The following JAKMIP2 variants were observed in gnomAD, a reference collection of about 807,000 sequenced individuals.
JAKMIP2 encodes the protein janus kinase and microtubule interacting protein 2, also known as janus kinase and microtubule-interacting protein 2.
A neutral mutation model predicts 115.0 loss-of-function variants in JAKMIP2; 25 were observed. That is an observed-to-expected ratio of 0.22 (90% CI 0.16 to 0.30). The LOEUF (loss-of-function observed/expected upper bound fraction) is 0.30. Among genes scored for constraint, JAKMIP2 ranks in the 10% least tolerant of loss-of-function variants. The pLI is 1.00. For synonymous variants in JAKMIP2, 334 were observed against 343.6 expected (o/e 0.97, Z 0.31); for missense variants, 642 against 957.6 (o/e 0.67, Z 4.35).
At chr5:147,689,092 G>A (rs538605673) in intron 1 of JAKMIP2, among the ~76,000 whole-genome samples, 1 of 150,534 alleles carries the variant, frequency 6.6e-6, no homozygotes, top group Non-Finnish European at 1.5e-5. Flanking sequence ...CTGATGCCTG[G>A]GGGGGAAAGC....
intron 1 of JAKMIP2, among the ~76,000 whole-genome samples, chr5:147,702,098 T>C (rs551292165): frequency 6.6e-6 from 1 of 152,296 alleles, no homozygotes; most frequent in East Asian, 1.9e-4. Flanking sequence ...CCAGAGCAAC[T>C]GCTTACAGCA....
intron 12 of JAKMIP2, among the ~76,000 whole-genome samples, chr5:147,634,858 G>A (rs1395297233): frequency 6.6e-6 from 1 of 152,178 alleles, no homozygotes; most frequent in Non-Finnish European, 1.5e-5. Flanking sequence ...CAGCCAGGAT[G>A]TTGTGGTTAA....
chr5:147,601,549 G>A (rs1423353600), intron 21 of JAKMIP2, among the ~76,000 whole-genome samples, 192 bp downstream of exon 21: 1 of 152,206 alleles, frequency 6.6e-6, no homozygotes, highest in South Asian at 2.1e-4. Flanking sequence ...GCCAGTGAAT[G>A]ATCTGATTGT....
intron 1 of JAKMIP2, among the ~76,000 whole-genome samples, chr5:147,688,084 T>C (rs1402887972): frequency 6.6e-6 from 1 of 152,200 alleles, no homozygotes; most frequent in African/African-American, 2.4e-5. Flanking sequence ...CAACACTCTT[T>C]TTCATATCTA....
rs148722029 is a variant in JAKMIP2 at position 147,661,092 on chromosome 5, C to T, written c.483G>A (p.Thr161=). Residue 161 remains threonine, a synonymous_variant, in exon 3 of 22, where the codon ACG becomes ACA. Transcript: ENST00000616793. ...KLLQEIADLK[T]AKKQVDEALS... ...GAGCCTCGTCCACCTGCTTCTTGGC[C>T]GTTTTCAGGTCCGCAATTTCCTGTA... The T allele has an allele frequency of 1.2e-6, 2 of 1,613,878 alleles. No individual in the cohort carries two copies. The highest frequency in any genetic ancestry group is 1.7e-5 in the Admixed American group (1 of 59,978).
chr5:147,594,619 G>A (rs1755267664), intron 21 of JAKMIP2: 7 of 295,584 alleles, frequency 2.4e-5, no homozygotes, highest in South Asian at 1.9e-4. Context: ...CAGAGCCACT[G>A]TGCCCAGCTA....
At chr5:147,602,520 A>C (rs757487753) in intron 20 of JAKMIP2, among the ~76,000 whole-genome samples, 1 of 152,190 alleles carries the variant, frequency 6.6e-6, no homozygotes, top group Non-Finnish European at 1.5e-5. Context: ...TCCACCTCCA[A>C]GATAGACTTC....
chr5:147,721,887 A>C (rs1413651830), intron 1 of JAKMIP2, among the ~76,000 whole-genome samples: 2 of 151,992 alleles, frequency 1.3e-5, no homozygotes, highest in African/African-American at 2.4e-5. Context: ...CCTTAAAATT[A>C]TATTTCTTTC....
chr5:147,775,385 G>A (rs1486614251), intron 1 of JAKMIP2, among the ~76,000 whole-genome samples: 2 of 152,182 alleles, frequency 1.3e-5, no homozygotes, highest in African/African-American at 4.8e-5. Flanking sequence ...CAATAGCTGT[G>A]AGTGTGTATC....
intron 1 of JAKMIP2, among the ~76,000 whole-genome samples, chr5:147,732,341 C>A (rs941057879): frequency 2.6e-5 from 4 of 152,158 alleles, no homozygotes; most frequent in African/African-American, 7.2e-5. Context: ...TTAGTGGCTT[C>A]ATTTACAATA....
intron 1 of JAKMIP2, among the ~76,000 whole-genome samples, chr5:147,743,650 T>C (rs1165453575): frequency 6.6e-6 from 1 of 152,196 alleles, no homozygotes; most frequent in African/African-American, 2.4e-5. Flanking sequence ...TGCTCCACAG[T>C]AGTGAATATC....
At chr5:147,724,131 C>A (rs991155252) in intron 1 of JAKMIP2, among the ~76,000 whole-genome samples, 1 of 152,138 alleles carries the variant, frequency 6.6e-6, no homozygotes, top group Non-Finnish European at 1.5e-5. Context: ...ATTAATAAAT[C>A]TACATTTTTG....
chr5:147,683,243 A>G (rs969123104), intron 1 of JAKMIP2, among the ~76,000 whole-genome samples: 21 of 152,184 alleles, frequency 1.4e-4, no homozygotes, highest in African/African-American at 4.8e-4. Flanking sequence ...TAATCCCAGC[A>G]CTTTGGGAGG....
intron 1 of JAKMIP2, among the ~76,000 whole-genome samples, chr5:147,749,288 T>C (rs985380626): frequency 4.6e-5 from 7 of 152,128 alleles, no homozygotes; most frequent in African/African-American, 1.4e-4. Context: ...GTGCCAGGCA[T>C]AGTACTCAAC....
chr5:147,677,951 G>C (rs1760058842), intron 1 of JAKMIP2, among the ~76,000 whole-genome samples: 1 of 151,984 alleles, frequency 6.6e-6, no homozygotes. Context: ...CTGAAATTTT[G>C]TATCTTTTGA....
intron 1 of JAKMIP2, among the ~76,000 whole-genome samples, chr5:147,718,315 G>T (rs1353251121): frequency 1.3e-5 from 2 of 149,138 alleles, no homozygotes; most frequent in Non-Finnish European, 3.0e-5. Context: ...TCTCTTTTTT[G>T]GTTGTGTCTC....
chr5:147,660,801 G>A (rs936496604), intron 3 of JAKMIP2, 147 bp downstream of exon 3: 16 of 834,466 alleles, frequency 1.9e-5, no homozygotes, highest in East Asian at 1.5e-4. Context: ...CCTACATACT[G>A]ATCTATCTTG....
intron 16 of JAKMIP2, among the ~76,000 whole-genome samples, chr5:147,626,639 C>A (rs1382974595): frequency 6.6e-6 from 1 of 152,154 alleles, no homozygotes; most frequent in South Asian, 2.1e-4. Context: ...AGGAGCACTG[C>A]GCAAGTCTTG....
chr5:147,621,439 C>G (rs932312909), intron 17 of JAKMIP2, among the ~76,000 whole-genome samples: 1 of 152,238 alleles, frequency 6.6e-6, no homozygotes, highest in East Asian at 1.9e-4. Flanking sequence ...TCTTCCAACT[C>G]TGAAGAAAAA....
Sources: allele counts gnomAD v4.1 joint callset (sites outside exome capture counted in the v4.1 genomes callset), GRCh38; gene constraint gnomAD v4.1.1; transcripts MANE v1.5; gene names NCBI Gene and HGNC (gene_info 2026-07-23, HGNC 2026-07-21).